PAPPA2: variants seen among roughly 807,000 people sequenced by gnomAD.
PAPPA2 encodes pappalysin 2, also known as pappalysin-2.
Under a neutral mutation model 176.4 loss-of-function variants are expected in PAPPA2, and 86 were observed. The ratio of observed to expected loss-of-function variants is 0.49; its 90% CI spans 0.41 to 0.58. PAPPA2 has a LOEUF of 0.58. Among genes scored for constraint, PAPPA2 ranks in the 20% least tolerant of loss-of-function variants. The pLI, the probability that PAPPA2 is intolerant of heterozygous loss-of-function variation, is 0.00. For missense variants in PAPPA2, 2,073 were observed against 2,256.9 expected (o/e 0.92, Z 1.65); for synonymous variants, 809 against 852.2 (o/e 0.95, Z 0.88).
intron 2 of PAPPA2, among the ~76,000 whole-genome samples, chr1:176,572,154 C>T (rs1652384112): frequency 6.6e-6 from 1 of 152,166 alleles, no homozygotes; most frequent in South Asian, 2.1e-4. Context: ...GGTGTTATTT[C>T]CACTCTTCCA....
chr1:176,501,295 G>A (rs546091058), intron 1 of PAPPA2, among the ~76,000 whole-genome samples: 3 of 152,056 alleles, frequency 2.0e-5, no homozygotes, highest in Admixed American at 1.3e-4. Context: ...TAGTTATCAC[G>A]TTTAACAATT....
intron 3 of PAPPA2, among the ~76,000 whole-genome samples, chr1:176,614,623 CT>C (rs1368233870): frequency 6.6e-6 from 1 of 152,078 alleles, no homozygotes; most frequent in African/African-American, 2.4e-5. Flanking sequence ...ATTTCAATAG[CT>C]TTTTGGGGAC....
Position 176,595,023 on chromosome 1 carries a change from G to A in PAPPA2, c.1419G>A (p.Glu473=), listed in dbSNP as rs267598191. Residue 473 remains glutamate (E), a synonymous_variant, in exon 3 of 23, where the codon GAG becomes GAA. Coordinates refer to ENST00000367662, the MANE Select transcript of PAPPA2 (RefSeq NM_020318.3). The stretch of plus-strand genomic sequence containing the variant: ...CAGAGTGGGTTCCCTTTAGAGATGA[G>A]AAGTACCCACGACTTGAGGTTCTCC... The part of the protein sequence containing the change: ...VNTEWVPFRD[E]KYPRLEVLQG... 8.1e-6 allele frequency: 13 copies of A among 1,614,192 alleles called. No homozygotes were observed. The East Asian group carries it at 2.9e-4, about 36-fold the overall frequency.
chr1:176,828,960 G>A (rs1297221709), intron 21 of PAPPA2, among the ~76,000 whole-genome samples: 1 of 151,922 alleles, frequency 6.6e-6, no homozygotes, highest in Non-Finnish European at 1.5e-5. Context: ...CCGAGATCAT[G>A]CCACTGCACT....
intron 1 of PAPPA2, among the ~76,000 whole-genome samples, chr1:176,486,616 G>C (rs1312846852): frequency 6.6e-6 from 1 of 152,214 alleles, no homozygotes; most frequent in Non-Finnish European, 1.5e-5. Flanking sequence ...GGAGCAAACT[G>C]AGGGCTTTCA....
At chr1:176,830,965 T>A (rs1278339662) in intron 21 of PAPPA2, among the ~76,000 whole-genome samples, 1 of 152,136 alleles carries the variant, frequency 6.6e-6, no homozygotes, top group Non-Finnish European at 1.5e-5. Flanking sequence ...CAGCAAAGGA[T>A]TGGGAATCAC....
chr1:176,818,261 G>T (rs896213083), intron 21 of PAPPA2, among the ~76,000 whole-genome samples: 2 of 152,102 alleles, frequency 1.3e-5, no homozygotes, highest in African/African-American at 4.8e-5. Context: ...AGAGCATGAA[G>T]ACTAAAGATA....
chr1:176,746,832 C>A (rs1051120207), intron 14 of PAPPA2, among the ~76,000 whole-genome samples: 1 of 152,058 alleles, frequency 6.6e-6, no homozygotes, highest in Non-Finnish European at 1.5e-5. Context: ...AAATAAATAT[C>A]CATATGGAAA....
At chr1:176,747,536 A>C (rs1286154290) in intron 14 of PAPPA2, among the ~76,000 whole-genome samples, 1 of 152,208 alleles carries the variant, frequency 6.6e-6, no homozygotes, top group Non-Finnish European at 1.5e-5. Flanking sequence ...TGTTTCTTAG[A>C]GAAGAAAAAA....
chr1:176,720,673 G>T (rs965374430), intron 12 of PAPPA2, among the ~76,000 whole-genome samples: 4 of 152,042 alleles, frequency 2.6e-5, no homozygotes, highest in Admixed American at 6.6e-5. Context: ...TTCATCAGGG[G>T]AATGGCTCAC....
intron 3 of PAPPA2, among the ~76,000 whole-genome samples, chr1:176,664,301 A>G (rs960501822): frequency 3.9e-5 from 6 of 152,212 alleles, no homozygotes; most frequent in Non-Finnish European, 7.3e-5. Flanking sequence ...TGGAAGTTCT[A>G]GAGGACGATC....
chr1:176,791,173 ATTTTTTT>A (rs57185368), intron 18 of PAPPA2, among the ~76,000 whole-genome samples, 167 bp from the exon 19 acceptor site: 52 of 80,876 alleles, frequency 6.4e-4, no homozygotes, highest in African/African-American at 1.8e-3. Flanking sequence ...AAAGCAAAGA[ATTTTTTT>A]TTTTTTTTTT....
chr1:176,685,911 A>G (rs1659815450), intron 4 of PAPPA2, among the ~76,000 whole-genome samples: 1 of 152,220 alleles, frequency 6.6e-6, no homozygotes, highest in Non-Finnish European at 1.5e-5. Flanking sequence ...ACTTTTCTAA[A>G]CTAAATCACC....
rs368211699 is a variant in PAPPA2 at position 176,573,899 on chromosome 1, C to T, written c.919+16658C>T. ...GCTAGGTCAAGTCAGTAACTGTTCTCGTTGTGGAGAGTGACTGGTGTATGT... is the reference window on the plus strand; with the variant it reads ...GCTAGGTCAAGTCAGTAACTGTTCTTGTTGTGGAGAGTGACTGGTGTATGT... On this transcript the variant is annotated intron_variant, in intron 2 of 22. Transcript: ENST00000367662. Among the ~76,000 whole-genome samples the T allele has an allele frequency of 7.9e-5, 12 of 151,660 alleles. No individual in the cohort carries two copies. The South Asian group carries it at 1.7e-3, about 21-fold the overall frequency.
chr1:176,694,076 G>A (rs968080059), intron 6 of PAPPA2, among the ~76,000 whole-genome samples: 2 of 152,096 alleles, frequency 1.3e-5, no homozygotes, highest in Non-Finnish European at 2.9e-5. Context: ...GGGGACTCAC[G>A]TCACATGGCC....
intron 2 of PAPPA2, among the ~76,000 whole-genome samples, chr1:176,569,922 A>G (rs539763784): frequency 3.3e-5 from 5 of 152,038 alleles, no homozygotes; most frequent in African/African-American, 1.2e-4. Flanking sequence ...TTCTACCTCA[A>G]CTCCCCCTTC....
At chr1:176,770,600 T>C (rs552050147) in intron 16 of PAPPA2, among the ~76,000 whole-genome samples, 1 of 152,226 alleles carries the variant, frequency 6.6e-6, no homozygotes, top group Non-Finnish European at 1.5e-5. Context: ...GTGCCTGCCA[T>C]ATAATAAGCA....
At chr1:176,805,656 CTT>C (rs1665872526) in intron 21 of PAPPA2, among the ~76,000 whole-genome samples, 1 of 152,094 alleles carries the variant, frequency 6.6e-6, no homozygotes, top group Non-Finnish European at 1.5e-5. Context: ...ACACATGTAA[CTT>C]TGTGAGGACA....
chr1:176,686,569 C>T (rs1341899760), intron 4 of PAPPA2, among the ~76,000 whole-genome samples: 3 of 152,092 alleles, frequency 2.0e-5, no homozygotes, highest in Non-Finnish European at 4.4e-5. Flanking sequence ...GAATCTGGGT[C>T]ACTTGGAAAT....
Sources: gnomAD v4.1 joint callset for allele counts (sites outside exome capture counted in the v4.1 genomes callset) on GRCh38, gnomAD v4.1.1 for gene constraint, MANE v1.5 for transcripts, NCBI Gene and HGNC (gene_info 2026-07-23, HGNC 2026-07-21) for gene names.